KCNU1: variants seen among roughly 807,000 people sequenced by gnomAD.
The protein encoded by KCNU1 is potassium calcium-activated channel subfamily U member 1, also known as potassium channel subfamily U member 1.
KCNU1 carries 93 observed loss-of-function variants against 126.8 expected under a neutral mutation model. The observed-to-expected ratio is 0.73, with a 90% CI of 0.62 to 0.87. The LOEUF (loss-of-function observed/expected upper bound fraction) is 0.87. KCNU1 is among the 40% of genes least tolerant of loss of function. KCNU1 has a pLI of 0.00. For missense variants in KCNU1, 1,330 were observed against 1,367.1 expected (o/e 0.97, Z 0.43); for synonymous variants, 523 against 494.2 (o/e 1.06, Z -0.77).
intron 2 of KCNU1, 50 bp from the exon 3 acceptor site, chr8:36,803,977 T>C (rs1563264497): frequency 3.2e-6 from 4 of 1,238,102 alleles, no homozygotes; most frequent in Non-Finnish European, 3.5e-6. Context: ...TCGATTTATT[T>C]AATGCAAATG....
intron 10 of KCNU1, among the ~76,000 whole-genome samples, chr8:36,823,611 T>C (rs555257803): frequency 4.6e-5 from 7 of 151,998 alleles, no homozygotes; most frequent in African/African-American, 1.7e-4. Context: ...TTTCATTTTA[T>C]GTTTATCATA....
At chr8:36,784,773 C>G (rs1315313099) in intron 1 of KCNU1, among the ~76,000 whole-genome samples, 168 bp downstream of exon 1, 1 of 152,162 alleles carries the variant, frequency 6.6e-6, no homozygotes, top group Non-Finnish European at 1.5e-5. Flanking sequence ...AGGCCACATT[C>G]TGAGGCCTGA....
rs894185224 is a variant in KCNU1 at position 36,787,837 on chromosome 8, A to G, written c.315+412A>G. 3.5e-5 allele frequency among the ~76,000 whole-genome samples: 5 copies of G among 142,186 alleles called. No individual in the cohort carries two copies. The South Asian group carries it at 1.1e-3, about 31-fold the overall frequency. 93.3% of individuals were successfully genotyped at this position (142,186 alleles called of 152,430 possible). On this transcript the variant is annotated intron_variant, in intron 2 of 26. Coordinates refer to ENST00000399881, the MANE Select transcript of KCNU1 (RefSeq NM_001031836.3). Reference sequence around the variant, plus strand: ...ACTAATTATATAATTATATATTTATAAATAGTAATATATATTGACTAATTA... The same window carrying G: ...ACTAATTATATAATTATATATTTATGAATAGTAATATATATTGACTAATTA...
At chr8:36,880,257 G>A (rs1335333489) in intron 19 of KCNU1, among the ~76,000 whole-genome samples, 5 of 152,048 alleles carry the variant, frequency 3.3e-5, no homozygotes, top group East Asian at 3.9e-4. Context: ...GTCTATTGGC[G>A]ATGATTTGGA....
At chr8:36,906,559 T>C (rs1053884425) in intron 20 of KCNU1, among the ~76,000 whole-genome samples, 3 of 152,190 alleles carry the variant, frequency 2.0e-5, no homozygotes, top group Non-Finnish European at 4.4e-5. Context: ...ATTTAACTAA[T>C]AAAAATGATT....
intron 16 of KCNU1, among the ~76,000 whole-genome samples, chr8:36,842,693 G>A (rs920776302): frequency 6.6e-5 from 10 of 152,142 alleles, no homozygotes; most frequent in African/African-American, 2.2e-4. Context: ...TTTTTGAGAC[G>A]GAGTTTCACT....
chr8:36,825,328 G>A (rs990309963), intron 10 of KCNU1, among the ~76,000 whole-genome samples: 2 of 152,014 alleles, frequency 1.3e-5, no homozygotes, highest in East Asian at 1.9e-4. Context: ...ATGCTGAATC[G>A]TTAGACCTTT....
At chr8:36,914,322 G>A (rs537792074) in intron 22 of KCNU1, among the ~76,000 whole-genome samples, 10 of 152,156 alleles carry the variant, frequency 6.6e-5, no homozygotes, top group African/African-American at 2.4e-4. Flanking sequence ...AGGCAGTTTT[G>A]ATTTTCACCA....
chr8:36,871,529 G>C (rs751596727), intron 19 of KCNU1, among the ~76,000 whole-genome samples: 8 of 152,022 alleles, frequency 5.3e-5, no homozygotes, highest in Admixed American at 2.0e-4. Flanking sequence ...ATAGCTTCAG[G>C]CTTCTTAAAA....
chr8:36,787,383 A>C lies in KCNU1; in HGVS notation c.273A>C (p.Ile91=), dbSNP rs1340285713. Residue 91 remains isoleucine (I), a synonymous_variant, in exon 2 of 27, where the codon ATA becomes ATC. Transcript: ENST00000399881. ...LHFQGQFRDH[I]EMLLSAQTFV... is the part of the protein sequence containing the mutation. ...TCCAGGGACAATTTCGTGATCATATAGAAATGTTGCTTTCAGCCCAGACCT... is the reference window on the plus strand; with the variant it reads ...TCCAGGGACAATTTCGTGATCATATCGAAATGTTGCTTTCAGCCCAGACCT... 1 of 1,612,442 alleles carries C rather than the reference A, an allele frequency of 6.2e-7. No homozygotes were observed. The highest frequency in any genetic ancestry group is 8.5e-7 in the Non-Finnish European group (1 of 1,179,104).
chr8:36,879,076 CG>C (rs1464408012), intron 19 of KCNU1, among the ~76,000 whole-genome samples: 1 of 147,236 alleles, frequency 6.8e-6, no homozygotes, highest in Non-Finnish European at 1.5e-5. Flanking sequence ...GAGTGGGCAC[CG>C]TAAAAGATTG....
chr8:36,896,110 TA>T (rs1807178630), intron 19 of KCNU1, among the ~76,000 whole-genome samples: 1 of 130,922 alleles, frequency 7.6e-6, no homozygotes, highest in Non-Finnish European at 1.8e-5. Context: ...CCTTAAAAAT[TA>T]TTTTTTTATT....
rs1805839023 is a variant in KCNU1, at chr8:36,864,540, C to G, written c.2009+19C>G. On this transcript the variant is annotated intron_variant, in intron 19 of 26. Transcript: ENST00000399881. ...CCACCAGGTAAAAGCTGCAGAGAAC[C>G]CTGGTCTCCTATAGTTTTTTTGAGA... is the stretch of plus-strand genomic sequence containing the variant. 7.2e-7 allele frequency: 1 copy of G among 1,397,052 alleles called. No individual in the cohort carries two copies. The highest frequency in any genetic ancestry group is 1.7e-5 in the Admixed American group (1 of 59,690). 86.5% of individuals were successfully genotyped at this position (1,397,052 alleles called of 1,614,324 possible).
intron 18 of KCNU1, among the ~76,000 whole-genome samples, chr8:36,855,597 A>G (rs944979142): frequency 6.6e-6 from 1 of 152,108 alleles, no homozygotes; most frequent in Non-Finnish European, 1.5e-5. Context: ...CACAAATCTT[A>G]TATCTCTTAC....
intron 9 of KCNU1, 88 bp downstream of exon 9, chr8:36,815,775 C>G: frequency 1.4e-6 from 1 of 736,700 alleles, no homozygotes; most frequent in Non-Finnish European, 2.3e-6. Flanking sequence ...TCTGGCTTAG[C>G]TGTAGAACCC....
intron 22 of KCNU1, among the ~76,000 whole-genome samples, chr8:36,914,745 A>G (rs1808031625): frequency 6.6e-6 from 1 of 152,176 alleles, no homozygotes; most frequent in African/African-American, 2.4e-5. Context: ...AGGTTGGCAA[A>G]CCTAGGTACT....
chr8:36,798,483 C>A (rs1327370746), intron 2 of KCNU1, among the ~76,000 whole-genome samples: 1 of 152,174 alleles, frequency 6.6e-6, no homozygotes, highest in African/African-American at 2.4e-5. Flanking sequence ...ATAGCTAGAT[C>A]TTTTTCTTCC....
chr8:36,883,596 C>T (rs531807203), intron 19 of KCNU1, among the ~76,000 whole-genome samples: 6 of 152,110 alleles, frequency 3.9e-5, no homozygotes, highest in African/African-American at 1.4e-4. Context: ...CCAGCCTGGG[C>T]AACATGGTGA....
chr8:36,808,555 T>G (rs919336700), intron 6 of KCNU1, among the ~76,000 whole-genome samples, 163 bp from the exon 7 acceptor site: 2 of 152,040 alleles, frequency 1.3e-5, no homozygotes, highest in Non-Finnish European at 2.9e-5. Context: ...GATTGGGAGA[T>G]CGGGGCAGGG....
Sources: gnomAD v4.1 joint callset for allele counts (sites outside exome capture counted in the v4.1 genomes callset) on GRCh38, gnomAD v4.1.1 for gene constraint, MANE v1.5 for transcripts, NCBI Gene and HGNC (gene_info 2026-07-23, HGNC 2026-07-21) for gene names.